The following CDH8 variants were observed in gnomAD, a reference collection of about 807,000 sequenced individuals.
CDH8 encodes cadherin-8.
CDH8 carries 17 observed loss-of-function variants against 68.1 expected under a neutral mutation model. That is an observed-to-expected ratio of 0.25 (90% confidence interval 0.17 to 0.37). CDH8 has a LOEUF of 0.37. CDH8 is among the 10% of genes least tolerant of loss of function. The probability of loss-of-function intolerance (pLI) is 1.00; values close to 1 mark genes in which losing one functional copy is unlikely to be tolerated. For synonymous variants in CDH8, 372 were observed against 365.1 expected, an observed-to-expected ratio of 1.02 and a Z score of -0.21; for missense variants, 763 against 999.3, an observed-to-expected ratio of 0.76 and a Z score of 3.19.
At chr16:61,821,630 T>C (rs2143000736) in intron 5 of CDH8, among the ~76,000 whole-genome samples, 1 of 152,180 alleles carries the variant, frequency 6.6e-6, no homozygotes. Flanking sequence ...TGCTGTGCCC[T>C]GCAGCAAGCT....
intron 2 of CDH8, among the ~76,000 whole-genome samples, chr16:62,005,183 C>G (rs1261878361): frequency 6.6e-6 from 1 of 152,210 alleles, no homozygotes; most frequent in Non-Finnish European, 1.5e-5. Flanking sequence ...ACTTGCAAAG[C>G]CGAGTGACAC....
At chr16:61,918,581 C>A (rs1402209465) in intron 2 of CDH8, 1 of 153,382 alleles carries the variant, frequency 6.5e-6, no homozygotes, top group Non-Finnish European at 1.4e-5. Flanking sequence ...TCGGGTTACT[C>A]CCACCCGAAT....
intron 10 of CDH8, among the ~76,000 whole-genome samples, chr16:61,698,043 T>C (rs1014450057): frequency 6.6e-6 from 1 of 152,192 alleles, no homozygotes; most frequent in Non-Finnish European, 1.5e-5. Flanking sequence ...TTCTAACATA[T>C]AAGTTTTATA....
At chr16:61,749,068 G>A (rs1053398762) in intron 8 of CDH8, among the ~76,000 whole-genome samples, 7 of 152,016 alleles carry the variant, frequency 4.6e-5, no homozygotes, top group African/African-American at 1.4e-4. Context: ...ATTGAGGTAA[G>A]GCAGAGTAGC....
At position 61,713,977 on chromosome 16, in the gene CDH8, C is replaced by A. The variant is rs34908496; in HGVS notation, c.1537-19G>T. The A allele has an allele frequency of 7.0e-7, 1 of 1,420,292 alleles. No individual in the cohort carries two copies. The highest frequency in any genetic ancestry group is 1.0e-6 in the Non-Finnish European group (1 of 1,004,522). 88.0% of individuals were successfully genotyped at this position (1,420,292 alleles called of 1,614,324 possible). ...GAATGACCTGAAACATAAAACTTGA[C>A]GTCAGCATTTCTGATGATTTCAGAG... is the stretch of plus-strand genomic sequence containing the variant. On this transcript the variant is annotated intron_variant, in intron 9 of 11. Coordinates refer to ENST00000577390, the MANE Select transcript of CDH8 (RefSeq NM_001796.5).
intron 4 of CDH8, among the ~76,000 whole-genome samples, chr16:61,837,067 C>T (rs1432841354): frequency 6.6e-6 from 1 of 151,906 alleles, no homozygotes; most frequent in African/African-American, 2.4e-5. Context: ...TTTGGGGGTG[C>T]AGGCTCTCTT....
intron 8 of CDH8, among the ~76,000 whole-genome samples, chr16:61,770,717 T>A (rs534598554): frequency 2.0e-5 from 3 of 152,048 alleles, no homozygotes; most frequent in East Asian, 1.9e-4. Context: ...CATACAGAAC[T>A]CATTTCTTCC....
rs140453362 is a variant in CDH8 at position 61,938,910 on chromosome 16, T to C, written c.253-37437A>G. 2.2e-4 allele frequency among the ~76,000 whole-genome samples: 34 copies of C among 152,322 alleles called. 1 individual carries two copies. In the East Asian group the frequency reaches 6.6e-3, roughly 29 times the overall value. On this transcript the variant is annotated intron_variant, in intron 2 of 11. Transcript: ENST00000577390. ...AAATGAGATGATATATGTAAAATGT[T>C]CAGCACTGTGCCAGCTATTTAGTAA...
chr16:61,750,083 C>T (rs1051634709), intron 8 of CDH8, among the ~76,000 whole-genome samples: 4 of 151,914 alleles, frequency 2.6e-5, no homozygotes, highest in Non-Finnish European at 5.9e-5. Context: ...CTCTAGTAGT[C>T]GTCAGTGTCT....
intron 3 of CDH8, among the ~76,000 whole-genome samples, chr16:61,875,207 C>T (rs1318261175): frequency 6.6e-6 from 1 of 151,900 alleles, no homozygotes; most frequent in Non-Finnish European, 1.5e-5. Flanking sequence ...CATAAAATAG[C>T]TTGGCAAATG....
chr16:61,954,259 T>G (rs1660635441), intron 2 of CDH8, among the ~76,000 whole-genome samples: 1 of 152,128 alleles, frequency 6.6e-6, no homozygotes. Context: ...TTATATATGA[T>G]GTCCATCTTT....
At chr16:61,971,946 G>A (rs967490551) in intron 2 of CDH8, among the ~76,000 whole-genome samples, 1 of 152,178 alleles carries the variant, frequency 6.6e-6, no homozygotes, top group Admixed American at 6.5e-5. Flanking sequence ...GAAACTCGAA[G>A]ATTGGAGTGT....
At chr16:61,978,724 T>A (rs1965483020) in intron 2 of CDH8, among the ~76,000 whole-genome samples, 1 of 152,164 alleles carries the variant, frequency 6.6e-6, no homozygotes, top group African/African-American at 2.4e-5. Flanking sequence ...CAAATTCAGA[T>A]ATTTTTGGCA....
chr16:61,931,427 C>T (rs1398946449), intron 2 of CDH8, among the ~76,000 whole-genome samples: 1 of 152,138 alleles, frequency 6.6e-6, no homozygotes, highest in Non-Finnish European at 1.5e-5. Flanking sequence ...CCTTCCACCT[C>T]GGTTTCCCAA....
At chr16:61,865,203 G>C in intron 3 of CDH8, among the ~76,000 whole-genome samples, 1 of 152,086 alleles carries the variant, frequency 6.6e-6, no homozygotes, top group Non-Finnish European at 1.5e-5. Flanking sequence ...AATGTATCCT[G>C]TCATTTCTCT....
intron 8 of CDH8, among the ~76,000 whole-genome samples, chr16:61,754,774 A>G (rs1231779426): frequency 6.6e-6 from 1 of 152,014 alleles, no homozygotes; most frequent in Non-Finnish European, 1.5e-5. Context: ...ATTTCAACTT[A>G]TATTTTATTT....
chr16:61,827,108 C>A (rs955068215), intron 4 of CDH8, among the ~76,000 whole-genome samples: 9 of 151,764 alleles, frequency 5.9e-5, no homozygotes, highest in African/African-American at 2.2e-4. Context: ...AGACAACAAC[C>A]TCATTATATT....
chr16:61,972,571 G>GGGGGGTGTGTGT (rs369833002), intron 2 of CDH8, among the ~76,000 whole-genome samples: 6 of 131,550 alleles, frequency 4.6e-5, no homozygotes, highest in South Asian at 2.4e-4. Flanking sequence ...ACACATTGTG[G>GGGGGGTGTGTGT]GTGTGTGTGT....
At chr16:61,689,633 G>C (rs960898238) in intron 10 of CDH8, among the ~76,000 whole-genome samples, 2 of 151,926 alleles carry the variant, frequency 1.3e-5, no homozygotes, top group African/African-American at 4.8e-5. Context: ...GAAACAAAAG[G>C]GTCAGGAAAA....
Sources: allele counts gnomAD v4.1 joint callset (sites outside exome capture counted in the v4.1 genomes callset), GRCh38; gene constraint gnomAD v4.1.1; transcripts MANE v1.5; gene names NCBI Gene and HGNC (gene_info 2026-07-23, HGNC 2026-07-21).